The following CNOT11 variants were observed in gnomAD, a reference collection of about 807,000 sequenced individuals.
The protein encoded by CNOT11 is CCR4-NOT transcription complex subunit 11, also known as UPF0760 protein C2orf29.
In CNOT11, 18 loss-of-function variants were observed where a neutral mutation model predicts 44.6. The ratio of observed to expected loss-of-function variants is 0.40; its 90% CI spans 0.28 to 0.60. The LOEUF (loss-of-function observed/expected upper bound fraction) is 0.60. Among genes scored for constraint, CNOT11 ranks in the 20% least tolerant of loss-of-function variants. The pLI is 0.38. For synonymous variants in CNOT11, 291 were observed against 270.9 expected (o/e 1.07, Z -0.73); for missense variants, 513 against 677.0 (o/e 0.76, Z 2.69).
At chr2:101,262,411 A>G (rs2104366478) in intron 2 of CNOT11, 128 bp from the exon 3 acceptor site, 1 of 799,202 alleles carries the variant, frequency 1.3e-6, no homozygotes, top group African/African-American at 1.7e-5. Flanking sequence ...AGACATACAC[A>G]CATTTTCTCT....
In CNOT11 at chr2:101,269,476, C is replaced by T. The variant is rs11545032; in HGVS notation, c.*63C>T. On this transcript the variant is annotated 3_prime_UTR_variant, in exon 7 of 7. Transcript: ENST00000289382. The surrounding 1 kb of genome is among the most constrained non-coding windows in gnomAD (Gnocchi z 4.8). ...CTGTACTGTGATTTAGTTTTTACAC[C>T]GTTAAAACCCTGAGTGGATTGCTTG... 9.3e-6 allele frequency: 13 copies of T among 1,401,076 alleles called. No homozygotes were observed. The highest frequency in any genetic ancestry group is 2.8e-5 in the African/African-American group (2 of 70,354). 86.8% of individuals were successfully genotyped at this position (1,401,076 alleles called of 1,614,324 possible).
intron 2 of CNOT11, among the ~76,000 whole-genome samples, chr2:101,261,105 C>T (rs1486325953): frequency 6.6e-6 from 1 of 152,134 alleles, no homozygotes; most frequent in Non-Finnish European, 1.5e-5. Context: ...CATGCATTCA[C>T]TTTTTAAAGG....
chr2:101,269,461 A>G lies in CNOT11; in HGVS notation c.*48A>G, dbSNP rs1682061842. The G allele has an allele frequency of 6.4e-7, 1 of 1,559,406 alleles. No homozygotes were observed. The highest frequency in any genetic ancestry group is 1.4e-5 in the African/African-American group (1 of 73,790). On this transcript the variant is annotated 3_prime_UTR_variant, in exon 7 of 7. Coordinates refer to ENST00000289382, the MANE Select transcript of CNOT11 (RefSeq NM_017546.5). This position sits in a 1 kb window ranked among gnomAD's most constrained non-coding sequence, Gnocchi z 4.8. ...CCATTCACTGTTCAGCTGTACTGTGATTTAGTTTTTACACCGTTAAAACCC... is the reference window on the plus strand; with the variant it reads ...CCATTCACTGTTCAGCTGTACTGTGGTTTAGTTTTTACACCGTTAAAACCC...
chr2:101,265,781 C>T (rs983678107), intron 4 of CNOT11, among the ~76,000 whole-genome samples: 6 of 152,056 alleles, frequency 3.9e-5, no homozygotes, highest in African/African-American at 1.2e-4. Flanking sequence ...ACAGCTGGAT[C>T]GTGGTGTATT....
At chr2:101,258,669 A>G (rs1445215698) in intron 2 of CNOT11, among the ~76,000 whole-genome samples, 1 of 151,636 alleles carries the variant, frequency 6.6e-6, no homozygotes, top group East Asian at 2.0e-4. Context: ...GCAGAAATAG[A>G]AAAATCCGGC....
Position 101,257,786 on chromosome 2 carries a change from T to C in CNOT11, c.515-5T>C, listed in dbSNP as rs375687855. 2.5e-6 allele frequency: 4 copies of C among 1,600,942 alleles called. No homozygotes were observed. The highest frequency in any genetic ancestry group is 3.4e-6 in the Non-Finnish European group (4 of 1,173,450). On this transcript the variant is annotated splice_polypyrimidine_tract_variant and splice_region_variant and intron_variant, in intron 1 of 6. Transcript: ENST00000289382. ...GGAGAAATCGTTATACATTTTTGTT[T>C]GCAGGATTTTTACCTCCTATAACTC...
chr2:101,266,658 A>G lies in CNOT11; in HGVS notation c.1036-19A>G, dbSNP rs1480016016. 8 of 1,591,834 alleles carry G rather than the reference A, an allele frequency of 5.0e-6. No individual in the cohort carries two copies. Among genetic ancestry groups the G allele is most frequent in the Non-Finnish European group, 6.9e-6 (8 of 1,163,262 alleles). ...TTTCTCTCTCCCTCTCTCTCTCTTT[A>G]AAAATCTGGTGTATTTAGCTACTTG... is the stretch of plus-strand genomic sequence containing the variant. On this transcript the variant is annotated intron_variant, in intron 4 of 6. Transcript: ENST00000289382.
intron 2 of CNOT11, 126 bp downstream of exon 2, chr2:101,258,081 G>C: frequency 1.0e-6 from 1 of 971,286 alleles, no homozygotes; most frequent in Non-Finnish European, 1.5e-6. Context: ...TTAAAAAGTA[G>C]TTTTAGTACT....
In CNOT11 at chr2:101,269,456, C is replaced by G. The variant is rs760101436; in HGVS notation, c.*43C>G. ...CCCATCCATTCACTGTTCAGCTGTA[C>G]TGTGATTTAGTTTTTACACCGTTAA... On this transcript the variant is annotated 3_prime_UTR_variant, in exon 7 of 7. Transcript: ENST00000289382. This position sits in a 1 kb window ranked among gnomAD's most constrained non-coding sequence, Gnocchi z 4.8. 1.9e-6 allele frequency: 3 copies of G among 1,569,256 alleles called. No homozygotes were observed. The South Asian group carries it at 3.3e-5, about 18-fold the overall frequency.
chr2:101,269,522 A>T lies in CNOT11; in HGVS notation c.*109A>T. On this transcript the variant is annotated 3_prime_UTR_variant, in exon 7 of 7. Coordinates refer to ENST00000289382, the MANE Select transcript of CNOT11 (RefSeq NM_017546.5). This position sits in a 1 kb window ranked among gnomAD's most constrained non-coding sequence, Gnocchi z 4.8. ...GCTTGGTTTAATGCATATAAACAGT[A>T]CTTTATCTACTTAAAGCAAAGTTTT... is the stretch of plus-strand genomic sequence containing the variant. The T allele has an allele frequency of 1.2e-6, 1 of 857,784 alleles. No individual in the cohort carries two copies. The highest frequency in any genetic ancestry group is 1.8e-6 in the Non-Finnish European group (1 of 569,476). 53.1% of individuals were successfully genotyped at this position (857,784 alleles called of 1,614,324 possible).
chr2:101,264,973 A>C lies in CNOT11; in HGVS notation c.961A>C (p.Ser321Arg). The C allele has an allele frequency of 6.2e-7, 1 of 1,614,222 alleles. No homozygotes were observed. Among genetic ancestry groups the C allele is most frequent in the Non-Finnish European group, 8.5e-7 (1 of 1,180,020 alleles). ...GGATAAATCGATGTGTGTTAAGAAT[A>C]GCACTGGTGTGGAGATCAAACGAAT... ...QWDKSMCVKN[S>R]TGVEIKRIMA... is the part of the protein sequence containing the mutation. The change falls in exon 4 of 7, where the codon AGC becomes CGC. Residue 321 changes from serine (S) to arginine (R), a missense_variant. By Grantham distance (110) the Ser-to-Arg change is moderately radical. Around this residue, in one of 4 missense-constraint regions of CNOT11, gnomAD observed 140 missense variants for 169.8 expected, o/e 0.82. Transcript: ENST00000289382.
Position 101,253,086 on chromosome 2 carries a change from G to A in CNOT11, c.122G>A (p.Arg41Lys). 1.3e-6 allele frequency: 2 copies of A among 1,515,866 alleles called. No individual in the cohort carries two copies. The highest frequency in any genetic ancestry group is 8.8e-7 in the Non-Finnish European group (1 of 1,138,076). 93.9% of individuals were successfully genotyped at this position (1,515,866 alleles called of 1,614,324 possible). A position where few individuals can be genotyped will look rare whatever the true frequency, so the allele number is the denominator to read the frequency against. ...GGCTTCGGGGGCTCCGGCGGCGGCA[G>A]AGGCGGAGCAAGCGGCCCCGGGTCC... ...RSGFGGSGGG[R>K]GGASGPGSGS... Residue 41 changes from arginine to lysine, a missense_variant, in exon 1 of 7, where the codon AGA becomes AAA. Arg to Lys is a conservative substitution (Grantham distance 26, BLOSUM62 2). Around this residue, in one of 4 missense-constraint regions of CNOT11, gnomAD observed 259 missense variants for 265.7 expected, o/e 0.97. Transcript: ENST00000289382. This position sits in a 1 kb window ranked among gnomAD's most constrained non-coding sequence, Gnocchi z 4.3.
Position 101,269,210 on chromosome 2 carries a change from T to C in CNOT11, c.1336-6T>C, listed in dbSNP as rs1391184744. On this transcript the variant is annotated splice_region_variant and splice_polypyrimidine_tract_variant and intron_variant, in intron 6 of 6. Transcript: ENST00000289382. This position sits in a 1 kb window ranked among gnomAD's most constrained non-coding sequence, Gnocchi z 4.8. The stretch of plus-strand genomic sequence containing the variant: ...CAGACTAACATTTTTTTTTTTCCTT[T>C]TTCAGAATCGGTTGGTGCGTCTTGT... 1.2e-6 allele frequency: 2 copies of C among 1,606,480 alleles called. No homozygotes were observed. Among genetic ancestry groups the C allele is most frequent in the East Asian group, 2.2e-5 (1 of 44,826 alleles).
Position 101,269,766 on chromosome 2 carries a change from G to A in CNOT11, c.*353G>A, listed in dbSNP as rs1023907076. On this transcript the variant is annotated 3_prime_UTR_variant, in exon 7 of 7. Coordinates refer to ENST00000289382, the MANE Select transcript of CNOT11 (RefSeq NM_017546.5). This position sits in a 1 kb window ranked among gnomAD's most constrained non-coding sequence, Gnocchi z 4.8. ...CTGATGAACCAGGAATCCTGTTTTC[G>A]TAAAGTTCCAATGTTGATGAGAGTA... The A allele has an allele frequency of 1.2e-4, 21 of 180,984 alleles. No homozygotes were observed. Among genetic ancestry groups the A allele is most frequent in the Admixed American group, 1.1e-3 (19 of 17,450 alleles). 11.2% of individuals were successfully genotyped at this position (180,984 alleles called of 1,614,324 possible).
intron 3 of CNOT11, among the ~76,000 whole-genome samples, chr2:101,262,917 T>C (rs1209279423): frequency 6.6e-6 from 1 of 152,170 alleles, no homozygotes; most frequent in African/African-American, 2.4e-5. Flanking sequence ...TGCATGTCTA[T>C]CCTATGCATA....
In CNOT11 at chr2:101,270,270, T is replaced by C. The variant is rs553057963; in HGVS notation, c.*857T>C. The C allele has an allele frequency of 6.6e-6, 1 of 152,664 alleles. No individual in the cohort carries two copies. The highest frequency in any genetic ancestry group is 2.1e-4 in the South Asian group (1 of 4,822). 9.5% of individuals were successfully genotyped at this position (152,664 alleles called of 1,614,324 possible). A position where few individuals can be genotyped will look rare whatever the true frequency, so the allele number is the denominator to read the frequency against. The stretch of plus-strand genomic sequence containing the variant: ...GTGTGGGCTCTTACCCTTTATGTGA[T>C]TTTGGACAACAGTGCCTTCCATTAA... On this transcript the variant is annotated 3_prime_UTR_variant, in exon 7 of 7. Coordinates refer to ENST00000289382, the MANE Select transcript of CNOT11 (RefSeq NM_017546.5).
At chr2:101,264,558 T>G (rs1426157776) in intron 3 of CNOT11, among the ~76,000 whole-genome samples, 1 of 152,222 alleles carries the variant, frequency 6.6e-6, no homozygotes, top group Non-Finnish European at 1.5e-5. Flanking sequence ...GTGGCCATGC[T>G]CAAGTGCAGC....
At chr2:101,262,306 T>C (rs1681883980) in intron 2 of CNOT11, 1 of 467,782 alleles carries the variant, frequency 2.1e-6, no homozygotes, top group Non-Finnish European at 3.8e-6. Flanking sequence ...TATTATAACA[T>C]TGATAAAAAT....
Position 101,269,483 on chromosome 2 carries a change from AC to A in CNOT11, c.*73del. On this transcript the variant is annotated 3_prime_UTR_variant, in exon 7 of 7. Coordinates refer to ENST00000289382, the MANE Select transcript of CNOT11 (RefSeq NM_017546.5). This position sits in a 1 kb window ranked among gnomAD's most constrained non-coding sequence, Gnocchi z 4.8. The stretch of plus-strand genomic sequence containing the variant: ...GTGATTTAGTTTTTACACCGTTAAA[AC>A]CCTGAGTGGATTGCTTGGTTTAATG... 1 of 1,367,686 alleles carries A rather than the reference AC, an allele frequency of 7.3e-7. No homozygotes were observed. Among genetic ancestry groups the A allele is most frequent in the African/African-American group, 1.4e-5 (1 of 69,538 alleles). 84.7% of individuals were successfully genotyped at this position (1,367,686 alleles called of 1,614,324 possible). A position where few individuals can be genotyped will look rare whatever the true frequency, so the allele number is the denominator to read the frequency against.
Sources: allele counts gnomAD v4.1 joint callset (sites outside exome capture counted in the v4.1 genomes callset), GRCh38; gene constraint gnomAD v4.1.1; regional missense constraint gnomAD v4.1.1; non-coding constraint Gnocchi (gnomAD v3.1); transcripts MANE v1.5; gene names NCBI Gene and HGNC (gene_info 2026-07-23, HGNC 2026-07-21).